The following PRDM11 variants were observed in gnomAD, a reference collection of about 807,000 sequenced individuals.
PRDM11 encodes the protein PR domain-containing protein 11.
A neutral mutation model predicts 97.8 loss-of-function variants in PRDM11; 20 were observed. That is an observed-to-expected ratio of 0.20 (90% confidence interval 0.14 to 0.30). The LOEUF is 0.30. Among genes scored for constraint, PRDM11 ranks in the 10% least tolerant of loss-of-function variants. The pLI is 1.00. For synonymous variants in PRDM11, 599 were observed against 637.7 expected (o/e 0.94, Z 0.91); for missense variants, 1,139 against 1,555.2 (o/e 0.73, Z 4.50).
chr11:45,121,007 A>G (rs1448738495), intron 1 of PRDM11, among the ~76,000 whole-genome samples: 1 of 152,180 alleles, frequency 6.6e-6, no homozygotes, highest in African/African-American at 2.4e-5. Context: ...GATGCAGTTT[A>G]GATCCACTGA....
At position 45,226,078 on chromosome 11, in the gene PRDM11, G is replaced by A. The variant is rs1854267271; in HGVS notation, c.1453G>A (p.Asp485Asn). ...TTCAGCAGATGAATCTGTCTCCAATGATATGATGACAGCGACGGATGAGCC... is the reference window on the plus strand; with the variant it reads ...TTCAGCAGATGAATCTGTCTCCAATAATATGATGACAGCGACGGATGAGCC... Reference protein sequence around the residue: ...VDSADESVSNDMMTATDEPSK... With the variant: ...VDSADESVSNNMMTATDEPSK... Residue 485 changes from aspartate to asparagine, a missense_variant, in exon 8 of 8, where the codon GAT (aspartate) becomes AAT (asparagine). Around this residue, in one of 2 missense-constraint regions of PRDM11, gnomAD observed 710 missense variants for 1,044.9 expected, o/e 0.68. Coordinates refer to ENST00000683152, the MANE Select transcript of PRDM11 (RefSeq NM_001384648.1). 6.5e-7 allele frequency: 1 copy of A among 1,530,282 alleles called. No individual in the cohort carries two copies. Among genetic ancestry groups the A allele is most frequent in the Non-Finnish European group, 8.7e-7 (1 of 1,143,722 alleles). The allele number at this position is 1,530,282 out of a possible 1,614,324, so 94.8% of individuals were successfully genotyped here.
At chr11:45,164,855 C>T (rs1228553582) in intron 1 of PRDM11, among the ~76,000 whole-genome samples, 1 of 152,004 alleles carries the variant, frequency 6.6e-6, no homozygotes, top group Non-Finnish European at 1.5e-5. Flanking sequence ...AATGCCAGAG[C>T]CAGCAGATCC....
At chr11:45,212,536 G>A (rs1254278794) in intron 5 of PRDM11, 9 of 455,478 alleles carry the variant, frequency 2.0e-5, no homozygotes, top group South Asian at 7.8e-5. Context: ...AGCGGTCTCC[G>A]GAGGAAGAGG....
At chr11:45,206,626 C>T (rs1853521984) in intron 5 of PRDM11, among the ~76,000 whole-genome samples, 1 of 152,168 alleles carries the variant, frequency 6.6e-6, no homozygotes, top group Non-Finnish European at 1.5e-5. Context: ...TCTCAAAACC[C>T]CAAAAAAGGG....
intron 1 of PRDM11, among the ~76,000 whole-genome samples, chr11:45,125,798 GA>G (rs1020953363): frequency 3.3e-5 from 5 of 152,106 alleles, no homozygotes; most frequent in African/African-American, 9.7e-5. Flanking sequence ...GTGTGGTGCT[GA>G]AAAAAATGTA....
At chr11:45,104,372 AG>A (rs1302553729) in intron 1 of PRDM11, among the ~76,000 whole-genome samples, 2 of 152,214 alleles carry the variant, frequency 1.3e-5, no homozygotes, top group Admixed American at 1.3e-4. Context: ...TCTGGATGAA[AG>A]GGGGCAAGCT....
At chr11:45,199,739 G>A (rs930279199) in intron 4 of PRDM11, among the ~76,000 whole-genome samples, 4 of 152,182 alleles carry the variant, frequency 2.6e-5, no homozygotes, top group African/African-American at 9.7e-5. Flanking sequence ...CCCAGAATAG[G>A]AAGCCCACAG....
At chr11:45,153,037 G>A (rs1016485888) in intron 1 of PRDM11, among the ~76,000 whole-genome samples, 4 of 152,230 alleles carry the variant, frequency 2.6e-5, no homozygotes, top group African/African-American at 7.2e-5. Flanking sequence ...AGTAATTGAG[G>A]TAGGAGAGGA....
chr11:45,146,312 G>A (rs1217602242), upstream of PRDM11, among the ~76,000 whole-genome samples: 1 of 152,220 alleles, frequency 6.6e-6, no homozygotes, highest in African/African-American at 2.4e-5. Flanking sequence ...GGGAGAGCCA[G>A]GGAGCCCCCC....
chr11:45,187,531 G>T (rs907329320), intron 4 of PRDM11, among the ~76,000 whole-genome samples: 1 of 152,210 alleles, frequency 6.6e-6, no homozygotes, highest in Admixed American at 6.5e-5. Flanking sequence ...TTGCAACCTG[G>T]TTCTAGACTA....
chr11:45,151,098 G>C (rs548891691), intron 1 of PRDM11, among the ~76,000 whole-genome samples: 3 of 152,302 alleles, frequency 2.0e-5, no homozygotes. Flanking sequence ...GGGAGAGCGG[G>C]CCTCCAGTGG....
chr11:45,176,438 TA>T (rs1391819339), intron 1 of PRDM11, among the ~76,000 whole-genome samples: 1 of 152,156 alleles, frequency 6.6e-6, no homozygotes, highest in African/African-American at 2.4e-5. Context: ...TAAATATTAA[TA>T]AAATGAATGA....
chr11:45,113,971 T>C (rs1318425869), intron 1 of PRDM11, among the ~76,000 whole-genome samples: 2 of 152,066 alleles, frequency 1.3e-5, no homozygotes, highest in Non-Finnish European at 2.9e-5. Context: ...ATAGTGAAAG[T>C]TTGACTTCCT....
intron 1 of PRDM11, among the ~76,000 whole-genome samples, chr11:45,157,800 A>G (rs909010584): frequency 6.6e-6 from 1 of 152,192 alleles, no homozygotes; most frequent in African/African-American, 2.4e-5. Context: ...CTGCCCTACT[A>G]GAGCTGCAGG....
At chr11:45,204,496 A>G (rs1028104991) in intron 4 of PRDM11, among the ~76,000 whole-genome samples, 2 of 152,090 alleles carry the variant, frequency 1.3e-5, no homozygotes, top group African/African-American at 2.4e-5. Context: ...GGAGAATAGG[A>G]TCTCCAGTGT....
At chr11:45,165,915 C>T (rs148619605) in intron 1 of PRDM11, among the ~76,000 whole-genome samples, 2 of 152,310 alleles carry the variant, frequency 1.3e-5, no homozygotes, top group Admixed American at 6.5e-5. Context: ...CCATGCTACA[C>T]TGCCACCTGG....
intron 1 of PRDM11, among the ~76,000 whole-genome samples, chr11:45,126,465 T>C (rs1259161901): frequency 1.3e-5 from 2 of 152,190 alleles, no homozygotes; most frequent in Non-Finnish European, 2.9e-5. Context: ...GGTTTTGCAG[T>C]GGCTGGTACC....
At chr11:45,191,395 T>A (rs758855536) in intron 4 of PRDM11, among the ~76,000 whole-genome samples, 3 of 152,184 alleles carry the variant, frequency 2.0e-5, no homozygotes, top group African/African-American at 2.4e-5. Context: ...ATTTTTCTAT[T>A]TTTTCTCTTC....
intron 7 of PRDM11, chr11:45,225,215 A>T (rs1814864366): frequency 4.0e-6 from 4 of 999,428 alleles, no homozygotes; most frequent in Admixed American, 8.4e-5. Flanking sequence ...CACTGGAGAG[A>T]TCTCTTGGCT....
Sources: allele counts gnomAD v4.1 joint callset (sites outside exome capture counted in the v4.1 genomes callset), GRCh38; gene constraint gnomAD v4.1.1; regional missense constraint gnomAD v4.1.1; transcripts MANE v1.5; gene names NCBI Gene and HGNC (gene_info 2026-07-23, HGNC 2026-07-21).